GRID2: variants seen among roughly 807,000 people sequenced by gnomAD.
GRID2 encodes the protein glutamate receptor ionotropic, delta-2.
A neutral mutation model predicts 114.8 loss-of-function variants in GRID2; 33 were observed. The ratio of observed to expected loss-of-function variants is 0.29; its 90% CI spans 0.22 to 0.38. The LOEUF (loss-of-function observed/expected upper bound fraction) is 0.38, where lower values mean the gene tolerates loss of function less well. Ranked by LOEUF, GRID2 falls within the 10% of genes least tolerant of loss-of-function variation. The probability of loss-of-function intolerance (pLI) is 1.00; values close to 1 mark genes in which losing one functional copy is unlikely to be tolerated. For missense variants in GRID2, 1,184 were observed against 1,257.7 expected (o/e 0.94, Z 0.89); for synonymous variants, 505 against 449.9 (o/e 1.12, Z -1.55).
At chr4:93,096,838 C>A (rs1412432216) in intron 3 of GRID2, among the ~76,000 whole-genome samples, 2 of 151,884 alleles carry the variant, frequency 1.3e-5, no homozygotes, top group South Asian at 2.1e-4. Context: ...GAATGTATAG[C>A]CACACGAATT....
chr4:92,863,842 G>A (rs559086222), intron 2 of GRID2, among the ~76,000 whole-genome samples: 36 of 152,128 alleles, frequency 2.4e-4, no homozygotes, highest in South Asian at 2.3e-3. Flanking sequence ...TCGCACTCTC[G>A]ATGTTATTTA....
intron 2 of GRID2, among the ~76,000 whole-genome samples, chr4:92,781,770 G>A (rs377339321): frequency 3.2e-4 from 49 of 151,758 alleles, no homozygotes; most frequent in South Asian, 8.3e-4. Flanking sequence ...ATTTTTACGC[G>A]TTACAATTTC....
intron 4 of GRID2, among the ~76,000 whole-genome samples, chr4:93,200,512 G>A (rs1003541785): frequency 4.3e-4 from 66 of 152,018 alleles, no homozygotes; most frequent in African/African-American, 1.3e-3. Flanking sequence ...CTTGCAGTGA[G>A]CCGAGATCGC....
intron 14 of GRID2, among the ~76,000 whole-genome samples, chr4:93,651,886 CT>C (rs996156545): frequency 5.9e-5 from 9 of 152,112 alleles, no homozygotes; most frequent in African/African-American, 2.2e-4. Flanking sequence ...ACCTCTTGCT[CT>C]CTAGAAGGAA....
At chr4:93,451,415 A>G (rs1722669249) in intron 10 of GRID2, among the ~76,000 whole-genome samples, 1 of 152,124 alleles carries the variant, frequency 6.6e-6, no homozygotes, top group Non-Finnish European at 1.5e-5. Context: ...AGGAGGGTCA[A>G]TCCAGACTGT....
chr4:93,577,753 G>A (rs1029281692), intron 13 of GRID2, among the ~76,000 whole-genome samples: 1 of 152,196 alleles, frequency 6.6e-6, no homozygotes, highest in Non-Finnish European at 1.5e-5. Flanking sequence ...AAATGGCACA[G>A]GCCTGAAGTG....
chr4:93,721,871 T>G (rs2110196160), intron 14 of GRID2, among the ~76,000 whole-genome samples: 1 of 152,060 alleles, frequency 6.6e-6, no homozygotes. Flanking sequence ...AATTCTATAG[T>G]TGAAGAAACT....
At chr4:92,563,092 T>C (rs1203909808) in intron 1 of GRID2, among the ~76,000 whole-genome samples, 3 of 152,192 alleles carry the variant, frequency 2.0e-5, no homozygotes, top group Non-Finnish European at 2.9e-5. Context: ...GTGGCCTTTG[T>C]GGAGTAACTA....
intron 1 of GRID2, among the ~76,000 whole-genome samples, chr4:92,361,530 G>T (rs771611112): frequency 2.0e-5 from 3 of 151,828 alleles, no homozygotes; most frequent in Non-Finnish European, 4.4e-5. Flanking sequence ...CATATTTTTA[G>T]GATCCAGGTG....
chr4:93,315,755 A>G (rs1756512936), intron 8 of GRID2, among the ~76,000 whole-genome samples: 1 of 152,146 alleles, frequency 6.6e-6, no homozygotes, highest in African/African-American at 2.4e-5. Context: ...GAAATGCACT[A>G]GTTACATACT....
intron 2 of GRID2, among the ~76,000 whole-genome samples, chr4:92,752,936 C>A (rs530513036): frequency 7.9e-5 from 12 of 152,034 alleles, no homozygotes; most frequent in Non-Finnish European, 1.0e-4. Flanking sequence ...TATACCAATT[C>A]TTTTTTGAAC....
intron 1 of GRID2, among the ~76,000 whole-genome samples, chr4:92,491,504 T>G (rs773089768): frequency 5.9e-5 from 9 of 152,186 alleles, no homozygotes; most frequent in Non-Finnish European, 1.3e-4. Context: ...ACAACTGATA[T>G]CTAGCTCAAA....
At chr4:93,608,273 C>T in intron 13 of GRID2, among the ~76,000 whole-genome samples, 1 of 142,498 alleles carries the variant, frequency 7.0e-6, no homozygotes, top group Non-Finnish European at 1.5e-5. Context: ...ACTATTTAGT[C>T]CAACTGAAAA....
rs539587907 is a variant in GRID2 at position 92,847,567 on chromosome 4, GATAAC to G, written c.245-237423_245-237419del. 5.2e-3 allele frequency among the ~76,000 whole-genome samples: 793 copies of G among 151,924 alleles called. 3 individuals are homozygous for G. The highest frequency in any genetic ancestry group is 9.1e-3 in the Non-Finnish European group (621 of 67,952). The stretch of plus-strand genomic sequence containing the variant: ...TTTAAAATAACAAAATGTCTATTTT[GATAAC>G]ATAAAGAGATGTCTTCTACTTCAGA... On this transcript the variant is annotated intron_variant, in intron 2 of 15. Coordinates refer to ENST00000282020, the MANE Select transcript of GRID2 (RefSeq NM_001510.4).
intron 13 of GRID2, among the ~76,000 whole-genome samples, chr4:93,537,339 A>G (rs539933606): frequency 6.6e-6 from 1 of 151,760 alleles, no homozygotes; most frequent in African/African-American, 2.4e-5. Context: ...TTTTTGAGAG[A>G]TATATTAAGA....
chr4:93,661,703 G>T (rs1474526041), intron 14 of GRID2, among the ~76,000 whole-genome samples: 7 of 152,150 alleles, frequency 4.6e-5, no homozygotes, highest in Non-Finnish European at 1.0e-4. Flanking sequence ...GAATATCAGT[G>T]AATTCAGTGT....
intron 2 of GRID2, among the ~76,000 whole-genome samples, chr4:92,783,638 T>A (rs2149360024): frequency 6.6e-6 from 1 of 151,932 alleles, no homozygotes; most frequent in Non-Finnish European, 1.5e-5. Context: ...AATTCCAGAG[T>A]TTTGGAGGCC....
At chr4:92,433,059 G>A (rs895743654) in intron 1 of GRID2, among the ~76,000 whole-genome samples, 1 of 152,100 alleles carries the variant, frequency 6.6e-6, no homozygotes, top group South Asian at 2.1e-4. Flanking sequence ...TGGGACCTGG[G>A]ATGGGGGCCT....
intron 6 of GRID2, among the ~76,000 whole-genome samples, chr4:93,221,847 C>A (rs1313319899): frequency 6.6e-6 from 1 of 152,094 alleles, no homozygotes. Flanking sequence ...GAGACGTAGT[C>A]ATTTATTGAA....
Sources: allele counts gnomAD v4.1 joint callset (sites outside exome capture counted in the v4.1 genomes callset), GRCh38; gene constraint gnomAD v4.1.1; transcripts MANE v1.5; gene names NCBI Gene and HGNC (gene_info 2026-07-23, HGNC 2026-07-21).